Variants in CALN1 observed in about 807,000 individuals in gnomAD.
The protein encoded by CALN1 is calcium-binding protein 8.
A neutral mutation model predicts 30.6 loss-of-function variants in CALN1; 17 were observed. The observed-to-expected ratio is 0.56, with a 90% CI of 0.38 to 0.83. The LOEUF (loss-of-function observed/expected upper bound fraction) is 0.83. CALN1 is among the 40% of genes least tolerant of loss of function. The pLI, the probability that CALN1 is intolerant of heterozygous loss-of-function variation, is 0.00. For synonymous variants in CALN1, 156 were observed against 131.4 expected, an observed-to-expected ratio of 1.19 and a Z score of -1.28; for missense variants, 291 against 354.9, an observed-to-expected ratio of 0.82 and a Z score of 1.45.
At chr7:71,979,584 T>A (rs1186783763) in intron 5 of CALN1, among the ~76,000 whole-genome samples, 2 of 152,132 alleles carry the variant, frequency 1.3e-5, no homozygotes, top group Admixed American at 1.3e-4. Context: ...TACAGATGAA[T>A]CTTCACTGAC....
At chr7:72,095,684 A>G (rs1806167778) in intron 4 of CALN1, among the ~76,000 whole-genome samples, 1 of 152,090 alleles carries the variant, frequency 6.6e-6, no homozygotes, top group African/African-American at 2.4e-5. Flanking sequence ...TGTGCCTCAG[A>G]CTAGGGTATC....
At chr7:72,431,937 C>G (rs1807992937) in intron 1 of CALN1, among the ~76,000 whole-genome samples, 1 of 151,782 alleles carries the variant, frequency 6.6e-6, no homozygotes, top group Middle Eastern at 3.4e-3. Context: ...AGGAATATTA[C>G]AAGAGGAGGC....
intron 3 of CALN1, among the ~76,000 whole-genome samples, chr7:72,191,531 G>A (rs1250490648): frequency 1.4e-5 from 2 of 139,962 alleles, no homozygotes; most frequent in Admixed American, 7.7e-5. Flanking sequence ...GTACCCAGGA[G>A]GCAGAGGTGA....
At chr7:71,997,898 G>A (rs1437852920) in intron 5 of CALN1, among the ~76,000 whole-genome samples, 1 of 152,032 alleles carries the variant, frequency 6.6e-6, no homozygotes, top group Non-Finnish European at 1.5e-5. Flanking sequence ...TCAGCTCACT[G>A]CAAACTCTGC....
chr7:72,133,267 C>G (rs532062011), intron 3 of CALN1, among the ~76,000 whole-genome samples: 10 of 152,240 alleles, frequency 6.6e-5, no homozygotes, highest in Admixed American at 6.5e-4. Flanking sequence ...AGTCATGTGA[C>G]CATCACTTTG....
chr7:72,412,675 C>T (rs148076608), upstream of CALN1, among the ~76,000 whole-genome samples: 1 of 152,324 alleles, frequency 6.6e-6, no homozygotes, highest in East Asian at 1.9e-4. Context: ...CCTCACCCTT[C>T]CCCCATGGAA....
chr7:72,043,785 C>T (rs1364219469), intron 4 of CALN1, among the ~76,000 whole-genome samples: 2 of 152,002 alleles, frequency 1.3e-5, no homozygotes, highest in Admixed American at 6.6e-5. Context: ...TGTATTAGTT[C>T]GTTTTCATGC....
At chr7:72,016,697 A>G (rs1800397477) in intron 5 of CALN1, among the ~76,000 whole-genome samples, 1 of 151,854 alleles carries the variant, frequency 6.6e-6, no homozygotes, top group African/African-American at 2.4e-5. Flanking sequence ...GATTATAGGT[A>G]TGAGCCACTG....
At chr7:72,338,859 A>G (rs1251852537) in intron 2 of CALN1, among the ~76,000 whole-genome samples, 3 of 151,600 alleles carry the variant, frequency 2.0e-5, no homozygotes, top group Non-Finnish European at 4.4e-5. Context: ...GACTATAGTC[A>G]CTGTGTTGTG....
chr7:72,102,849 C>A (rs532676345), intron 4 of CALN1, among the ~76,000 whole-genome samples: 4 of 151,866 alleles, frequency 2.6e-5, no homozygotes, highest in Non-Finnish European at 5.9e-5. Flanking sequence ...CCAAGGCAGG[C>A]GGATCACAAG....
intron 3 of CALN1, among the ~76,000 whole-genome samples, chr7:72,267,362 G>A (rs1408335164): frequency 6.6e-6 from 1 of 152,182 alleles, no homozygotes; most frequent in Non-Finnish European, 1.5e-5. Context: ...TCATGCTCAT[G>A]GCCAGCCTTT....
chr7:72,069,282 G>A (rs764677361), intron 4 of CALN1, among the ~76,000 whole-genome samples: 37 of 152,212 alleles, frequency 2.4e-4, no homozygotes, highest in Non-Finnish European at 2.8e-4. Context: ...ACTGGCCTTG[G>A]TGGATGGGTG....
At chr7:71,894,700 T>C (rs1793440705) in intron 5 of CALN1, among the ~76,000 whole-genome samples, 1 of 152,226 alleles carries the variant, frequency 6.6e-6, no homozygotes, top group South Asian at 2.1e-4. Flanking sequence ...TGCATTAATC[T>C]GAAGGAAATA....
At chr7:72,340,535 T>G (rs764930787) in intron 2 of CALN1, among the ~76,000 whole-genome samples, 1 of 152,248 alleles carries the variant, frequency 6.6e-6, no homozygotes, top group African/African-American at 2.4e-5. Flanking sequence ...CTGATTCCTC[T>G]TGGTTGGTGC....
upstream of CALN1, among the ~76,000 whole-genome samples, chr7:72,416,445 GGGAACCC>G (rs898497264): frequency 1.3e-5 from 2 of 152,090 alleles, no homozygotes; most frequent in Admixed American, 1.3e-4. Flanking sequence ...GAGTGAAGCC[GGGAACCC>G]GGCTGGGCAC....
intron 6 of CALN1, among the ~76,000 whole-genome samples, chr7:71,793,586 G>A (rs560500511): frequency 1.1e-4 from 16 of 152,166 alleles, no homozygotes; most frequent in African/African-American, 3.9e-4. Context: ...ATCTATCTTT[G>A]TTGGGCTGGG....
chr7:72,191,282 CTG>C (rs536134372), intron 3 of CALN1, among the ~76,000 whole-genome samples: 1 of 152,042 alleles, frequency 6.6e-6, no homozygotes, highest in African/African-American at 2.4e-5. Flanking sequence ...AAGCTACAGA[CTG>C]TGTAAGAGGA....
chr7:72,305,986 AACTTAATT>A (rs1799623573), intron 2 of CALN1, among the ~76,000 whole-genome samples: 1 of 152,090 alleles, frequency 6.6e-6, no homozygotes, highest in Non-Finnish European at 1.5e-5. Context: ...ACATCATCTA[AACTTAATT>A]ACCTCCTGAA....
At chr7:71,924,170 G>A (rs1795132453) in intron 5 of CALN1, among the ~76,000 whole-genome samples, 1 of 144,312 alleles carries the variant, frequency 6.9e-6, no homozygotes, top group Non-Finnish European at 1.5e-5. Flanking sequence ...TCCAGCCTAG[G>A]CGACAAGAGT....
Sources: gnomAD v4.1 joint callset for allele counts (sites outside exome capture counted in the v4.1 genomes callset) on GRCh38, gnomAD v4.1.1 for gene constraint, MANE v1.5 for transcripts, NCBI Gene and HGNC (gene_info 2026-07-23, HGNC 2026-07-21) for gene names.